RASGRF2: variants seen among roughly 807,000 people sequenced by gnomAD.
RASGRF2 encodes ras-specific guanine nucleotide-releasing factor 2.
RASGRF2 carries 76 observed loss-of-function variants against 151.0 expected under a neutral mutation model. The ratio of observed to expected loss-of-function variants is 0.50; its 90% confidence interval spans 0.42 to 0.61. RASGRF2 has a LOEUF of 0.61. Ranked by LOEUF, RASGRF2 falls within the 20% of genes least tolerant of loss-of-function variation. The probability of loss-of-function intolerance (pLI) is 0.00; values close to 1 mark genes in which losing one functional copy is unlikely to be tolerated. For missense variants in RASGRF2, 1,148 were observed against 1,564.6 expected (o/e 0.73, Z 4.49); for synonymous variants, 504 against 566.5 (o/e 0.89, Z 1.57).
chr5:81,025,340 C>G (rs1749981329), intron 1 of RASGRF2, among the ~76,000 whole-genome samples: 1 of 152,198 alleles, frequency 6.6e-6, no homozygotes, highest in Admixed American at 6.5e-5. Flanking sequence ...TTGCACAGGC[C>G]AGACATCAAC....
chr5:81,110,849 A>G (rs924782982), intron 13 of RASGRF2, among the ~76,000 whole-genome samples: 2 of 152,216 alleles, frequency 1.3e-5, no homozygotes, highest in African/African-American at 4.8e-5. Flanking sequence ...TGAGTGGAAG[A>G]AAGAGCCTTG....
intron 3 of RASGRF2, among the ~76,000 whole-genome samples, 162 bp downstream of exon 3, chr5:81,068,341 T>C (rs1254885412): frequency 1.3e-5 from 2 of 152,098 alleles, no homozygotes; most frequent in Non-Finnish European, 2.9e-5. Context: ...ATCTAATGTC[T>C]ATATTAGGAT....
chr5:81,058,881 A>C (rs1751319791), intron 2 of RASGRF2, among the ~76,000 whole-genome samples: 1 of 151,440 alleles, frequency 6.6e-6, no homozygotes, highest in Non-Finnish European at 1.5e-5. Flanking sequence ...TAGATGATTT[A>C]TTTCATTTGA....
chr5:81,034,771 G>A (rs1750410211), intron 1 of RASGRF2, among the ~76,000 whole-genome samples: 1 of 142,944 alleles, frequency 7.0e-6, no homozygotes, highest in African/African-American at 2.7e-5. Context: ...GACACAGGAA[G>A]GGGAACATCA....
At chr5:81,005,251 G>A (rs998928146) in intron 1 of RASGRF2, among the ~76,000 whole-genome samples, 13 of 152,256 alleles carry the variant, frequency 8.5e-5, no homozygotes, top group Admixed American at 3.3e-4. Flanking sequence ...CCATGGCTGG[G>A]GAGGCCTCAG....
chr5:81,004,635 C>T (rs1197005070), intron 1 of RASGRF2, among the ~76,000 whole-genome samples: 6 of 152,328 alleles, frequency 3.9e-5, no homozygotes, highest in African/African-American at 7.2e-5. Context: ...CCTTAAAGCA[C>T]GTGGCTGTCT....
intron 2 of RASGRF2, among the ~76,000 whole-genome samples, chr5:81,048,413 A>G (rs1750905860): frequency 6.6e-6 from 1 of 152,206 alleles, no homozygotes; most frequent in Admixed American, 6.5e-5. Context: ...GGATACTACT[A>G]AACTACTAAA....
At chr5:81,112,567 C>G in intron 13 of RASGRF2, 43 bp from the exon 14 acceptor site, 6 of 1,609,502 alleles carry the variant, frequency 3.7e-6, no homozygotes, top group Non-Finnish European at 5.1e-6. Context: ...GAGGGGGAAG[C>G]CTCCTCCTGG....
At chr5:80,989,515 T>C (rs929991358) in intron 1 of RASGRF2, among the ~76,000 whole-genome samples, 1 of 152,218 alleles carries the variant, frequency 6.6e-6, no homozygotes, top group African/African-American at 2.4e-5. Flanking sequence ...TAAAGACTCC[T>C]TTGTGTGGAA....
intron 4 of RASGRF2, among the ~76,000 whole-genome samples, chr5:81,072,633 T>A (rs1305833048): frequency 6.6e-6 from 1 of 152,216 alleles, no homozygotes; most frequent in Non-Finnish European, 1.5e-5. Flanking sequence ...TTTTTGTTAA[T>A]CATTTTATTT....
intron 1 of RASGRF2, among the ~76,000 whole-genome samples, chr5:81,018,412 A>C (rs2112330881): frequency 6.6e-6 from 1 of 152,264 alleles, no homozygotes; most frequent in South Asian, 2.1e-4. Context: ...AGTCAGATTT[A>C]GAGTGAGTTC....
At chr5:80,984,186 G>A (rs1302848423) in intron 1 of RASGRF2, among the ~76,000 whole-genome samples, 2 of 152,086 alleles carry the variant, frequency 1.3e-5, no homozygotes, top group Non-Finnish European at 2.9e-5. Flanking sequence ...TCAGTCTCCC[G>A]AGTAGCTGGG....
chr5:81,207,022 G>C (rs1351781802), intron 20 of RASGRF2, 117 bp downstream of exon 20: 6 of 918,692 alleles, frequency 6.5e-6, no homozygotes, highest in African/African-American at 5.0e-5. Flanking sequence ...TGTCCTATCT[G>C]TGAAGCTCTG....
At chr5:81,218,159 C>T (rs1755785654) in intron 25 of RASGRF2, among the ~76,000 whole-genome samples, 1 of 152,188 alleles carries the variant, frequency 6.6e-6, no homozygotes, top group African/African-American at 2.4e-5. Flanking sequence ...GCTGGGATTA[C>T]AGGCCCGGCC....
intron 7 of RASGRF2, among the ~76,000 whole-genome samples, chr5:81,084,747 G>C (rs1752180467): frequency 6.6e-6 from 1 of 152,210 alleles, no homozygotes; most frequent in Non-Finnish European, 1.5e-5. Context: ...CTGCACACAG[G>C]GTCCTGGAAA....
At chr5:81,187,730 G>A (rs914026539) in intron 18 of RASGRF2, among the ~76,000 whole-genome samples, 2 of 152,158 alleles carry the variant, frequency 1.3e-5, no homozygotes, top group East Asian at 1.9e-4. Context: ...AGTGTGTGAC[G>A]GTGTGATGGC....
chr5:81,022,939 A>G (rs1039717825), intron 1 of RASGRF2, among the ~76,000 whole-genome samples: 2 of 152,204 alleles, frequency 1.3e-5, no homozygotes, highest in Non-Finnish European at 2.9e-5. Context: ...AGGACAGGGC[A>G]CTGGTGAAAC....
chr5:81,047,730 A>T (rs1440065857), intron 2 of RASGRF2, among the ~76,000 whole-genome samples: 1 of 152,280 alleles, frequency 6.6e-6, no homozygotes, highest in Non-Finnish European at 1.5e-5. Flanking sequence ...GAGAGACTTT[A>T]TCATCCAGTT....
intron 1 of RASGRF2, among the ~76,000 whole-genome samples, chr5:80,983,280 T>C (rs992836397): frequency 1.3e-5 from 2 of 152,220 alleles, no homozygotes; most frequent in African/African-American, 4.8e-5. Context: ...CTGTGGCAAC[T>C]GCAGGACACT....
Sources: allele counts gnomAD v4.1 joint callset (sites outside exome capture counted in the v4.1 genomes callset), GRCh38; gene constraint gnomAD v4.1.1; transcripts MANE v1.5; gene names NCBI Gene and HGNC (gene_info 2026-07-23, HGNC 2026-07-21).